DYNC2LI1: variants seen among roughly 807,000 people sequenced by gnomAD.
DYNC2LI1 encodes dynein cytoplasmic 2 light intermediate chain 1, also known as cytoplasmic dynein 2 light intermediate chain 1.
A neutral mutation model predicts 51.9 loss-of-function variants in DYNC2LI1; 45 were observed. That is an observed-to-expected ratio of 0.87 (90% CI 0.68 to 1.11). DYNC2LI1 has a LOEUF of 1.11. Among genes scored for constraint, DYNC2LI1 ranks in the 50% most tolerant of loss-of-function variants. The probability of loss-of-function intolerance (pLI) is 0.00; values close to 1 mark genes in which losing one functional copy is unlikely to be tolerated. For synonymous variants in DYNC2LI1, 130 were observed against 137.8 expected, an observed-to-expected ratio of 0.94 and a Z score of 0.40; for missense variants, 490 against 417.4, an observed-to-expected ratio of 1.17 and a Z score of -1.51.
chr2:43,775,706 TA>T, intron 1 of DYNC2LI1: 1 of 384,426 alleles, frequency 2.6e-6, no homozygotes, highest in Non-Finnish European at 5.0e-6. Flanking sequence ...TTTTTTTTTT[TA>T]GACAGAGTCT....
chr2:43,775,195 C>G, intron 1 of DYNC2LI1, among the ~76,000 whole-genome samples: 1 of 152,068 alleles, frequency 6.6e-6, no homozygotes, highest in Non-Finnish European at 1.5e-5. Context: ...GGGAATAGCA[C>G]AGAGGATTGC....
rs1288791611 is a variant in DYNC2LI1 at position 43,801,671 on chromosome 2, T to G, written c.764T>G (p.Leu255Arg). Reference sequence around the variant, plus strand: ...ATATGTGTGGATCAGAATAAACCGCTGTTTATCACAGCAGGATTGGATTCT... The same window carrying G: ...ATATGTGTGGATCAGAATAAACCGCGGTTTATCACAGCAGGATTGGATTCT... ...KSICVDQNKPLFITAGLDSFG... is the reference protein window; with the variant it reads ...KSICVDQNKPRFITAGLDSFG... The change falls in exon 10 of 13, where the codon CTG becomes CGG. Residue 255 changes from leucine (L) to arginine (R), a missense_variant. Physicochemically the swap from Leu to Arg is moderately radical, Grantham distance 102 (BLOSUM62 -2). Coordinates refer to ENST00000260605, the MANE Select transcript of DYNC2LI1 (RefSeq NM_016008.4). 5 of 1,610,292 alleles carry G rather than the reference T, an allele frequency of 3.1e-6. No homozygotes were observed. The highest frequency in any genetic ancestry group is 4.2e-6 in the Non-Finnish European group (5 of 1,178,054).
At chr2:43,786,490 C>T (rs749626410) in intron 3 of DYNC2LI1, among the ~76,000 whole-genome samples, 2 of 152,064 alleles carry the variant, frequency 1.3e-5, no homozygotes, top group Non-Finnish European at 2.9e-5. Flanking sequence ...CCAAGTCTTG[C>T]ATTGATGTTT....
chr2:43,802,872 T>G (rs1441505159), intron 10 of DYNC2LI1, among the ~76,000 whole-genome samples: 2 of 152,158 alleles, frequency 1.3e-5, no homozygotes, highest in Non-Finnish European at 2.9e-5. Context: ...AGCAGACATT[T>G]CATTTCAGAG....
At chr2:43,822,930 C>T in the DYNC2LI1 span, 38 of 1,613,746 alleles carry the variant, frequency 2.4e-5, no homozygotes, top group East Asian at 6.7e-5. Context: ...GCTCGCAGCA[C>T]GGGAACTGGG....
chr2:43,796,898 C>T (rs1665881278), intron 8 of DYNC2LI1, 103 bp downstream of exon 8: 5 of 863,234 alleles, frequency 5.8e-6, no homozygotes, highest in Non-Finnish European at 9.5e-6. Flanking sequence ...TTTGCTAATG[C>T]ACATGGTCCC....
At chr2:43,789,778 A>C (rs1288682868) in intron 5 of DYNC2LI1, 57 bp downstream of exon 5, 3 of 1,484,986 alleles carry the variant, frequency 2.0e-6, no homozygotes, top group Non-Finnish European at 2.8e-6. Context: ...CCTAGGAGGA[A>C]TATGAGTTGG....
At chr2:43,824,034 AAG>A in the DYNC2LI1 span, 1 of 1,614,230 alleles carries the variant, frequency 6.2e-7, no homozygotes, top group Non-Finnish European at 8.5e-7. Context: ...GAACGAAGAA[AAG>A]GAGGAACAAA....
rs564351465 is a variant in DYNC2LI1, at chr2:43,777,816, A to T, written c.126+917A>T. 5.5e-4 allele frequency among the ~76,000 whole-genome samples: 84 copies of T among 152,278 alleles called. 1 individual carries two copies. The South Asian group carries it at 0.011, about 19-fold the overall frequency. The stretch of plus-strand genomic sequence containing the variant: ...CCCTCCATTGGGGGTTTTATATACA[A>T]CATTAAGATTACATATATTGGGAGA... On this transcript the variant is annotated intron_variant, in intron 2 of 12. Coordinates refer to ENST00000260605, the MANE Select transcript of DYNC2LI1 (RefSeq NM_016008.4).
intron 2 of DYNC2LI1, among the ~76,000 whole-genome samples, chr2:43,782,797 C>A (rs1402497763): frequency 6.6e-6 from 1 of 152,068 alleles, no homozygotes; most frequent in African/African-American, 2.4e-5. Flanking sequence ...GCCTAGCCAA[C>A]ATGGCAAAAC....
At chr2:43,777,638 A>T (rs1482923169) in intron 2 of DYNC2LI1, among the ~76,000 whole-genome samples, 1 of 152,198 alleles carries the variant, frequency 6.6e-6, no homozygotes. Flanking sequence ...CCATGCTTCC[A>T]CTTAAGCGCA....
intron 7 of DYNC2LI1, 125 bp from the exon 8 acceptor site, chr2:43,796,593 G>A (rs1383568464): frequency 1.5e-6 from 1 of 675,220 alleles, no homozygotes; most frequent in Non-Finnish European, 2.5e-6. Context: ...TCAAGGTAAT[G>A]GAATCCTATT....
In DYNC2LI1 at chr2:43,789,687, T is replaced by C. The variant is rs749989492; in HGVS notation, c.286T>C (p.Leu96=). Reference sequence around the variant, plus strand: ...CGGTGGAGGAACCTCTTTATTGGACTTAATCAGCATACCCATCACAGGTGA... The same window carrying C: ...CGGTGGAGGAACCTCTTTATTGGACCTAATCAGCATACCCATCACAGGTGA... ...ELGGGTSLLD[L]ISIPITGDTL... Residue 96 remains leucine (L), a synonymous_variant, in exon 5 of 13, where the codon TTA becomes CTA. Coordinates refer to ENST00000260605, the MANE Select transcript of DYNC2LI1 (RefSeq NM_016008.4). 1 of 1,613,974 alleles carries C rather than the reference T, an allele frequency of 6.2e-7. No individual in the cohort carries two copies. The highest frequency in any genetic ancestry group is 1.7e-5 in the Admixed American group (1 of 60,004).
chr2:43,806,568 C>T (rs1666264715), intron 12 of DYNC2LI1, among the ~76,000 whole-genome samples: 1 of 152,008 alleles, frequency 6.6e-6, no homozygotes, highest in South Asian at 2.1e-4. Flanking sequence ...ATGTTTGCAG[C>T]CTGGCTATAA....
In DYNC2LI1 at chr2:43,782,388, GT is replaced by G. The variant is rs535134273; in HGVS notation, c.127-1125del. ...TTATCTTTTTTGTCAAAAACTATAGGTTTTTTTAGTAAAAACAAAAACACAT... is the reference window on the plus strand; with the variant it reads ...TTATCTTTTTTGTCAAAAACTATAGGTTTTTTAGTAAAAACAAAAACACAT... On this transcript the variant is annotated intron_variant, in intron 2 of 12. Coordinates refer to ENST00000260605, the MANE Select transcript of DYNC2LI1 (RefSeq NM_016008.4). 3.3e-5 allele frequency among the ~76,000 whole-genome samples: 5 copies of G among 151,552 alleles called. No homozygotes were observed. The East Asian group carries it at 9.7e-4, about 29-fold the overall frequency.
chr2:43,827,450 T>C, the DYNC2LI1 span, among the ~76,000 whole-genome samples: 5 of 152,142 alleles, frequency 3.3e-5, no homozygotes. Context: ...AGGATCCAGA[T>C]GCAGTTTGTC....
chr2:43,803,946 G>A (rs1287881788), intron 10 of DYNC2LI1, among the ~76,000 whole-genome samples: 2 of 152,114 alleles, frequency 1.3e-5, no homozygotes, highest in Non-Finnish European at 2.9e-5. Context: ...AGGTAAAAGA[G>A]TACATACAAG....
chr2:43,808,596 T>A (rs745957459), intron 12 of DYNC2LI1, among the ~76,000 whole-genome samples: 1 of 152,186 alleles, frequency 6.6e-6, no homozygotes, highest in Admixed American at 6.5e-5. Context: ...TTGTGCAGGA[T>A]AGCCACCTCC....
At chr2:43,822,117 C>G in the DYNC2LI1 span, among the ~76,000 whole-genome samples, 476 of 152,290 alleles carry the variant, frequency 3.1e-3, 2 homozygotes, top group African/African-American at 0.011. Flanking sequence ...AACTGCCCCT[C>G]TTCATCCTAC....
Sources: gnomAD v4.1 joint callset for allele counts (sites outside exome capture counted in the v4.1 genomes callset) on GRCh38, gnomAD v4.1.1 for gene constraint, MANE v1.5 for transcripts, NCBI Gene and HGNC (gene_info 2026-07-23, HGNC 2026-07-21) for gene names.